CCPG1: variants seen among roughly 807,000 people sequenced by gnomAD.
CCPG1 encodes the protein cell cycle progression protein 1.
Under a neutral mutation model 81.3 loss-of-function variants are expected in CCPG1, and 46 were observed. The ratio of observed to expected loss-of-function variants is 0.57; its 90% confidence interval spans 0.45 to 0.72. The LOEUF (loss-of-function observed/expected upper bound fraction) is 0.72, where lower values mean the gene tolerates loss of function less well. Among genes scored for constraint, CCPG1 ranks in the 30% least tolerant of loss-of-function variants. CCPG1 has a pLI of 0.00. For synonymous variants in CCPG1, 330 were observed against 305.2 expected (o/e 1.08, Z -0.85); for missense variants, 902 against 937.6 (o/e 0.96, Z 0.50).
chr15:55,371,763 G>C, intron 6 of CCPG1, 30 bp downstream of exon 6: 1 of 1,604,338 alleles, frequency 6.2e-7, no homozygotes, highest in Non-Finnish European at 8.5e-7. Context: ...ATCCCATCAG[G>C]TTATGTATAA....
chr15:55,383,352 C>T (rs2056739308), intron 3 of CCPG1, among the ~76,000 whole-genome samples: 1 of 152,158 alleles, frequency 6.6e-6, no homozygotes, highest in African/African-American at 2.4e-5. Flanking sequence ...CTTTGTTGTT[C>T]CATTTACAGA....
intron 3 of CCPG1, among the ~76,000 whole-genome samples, chr15:55,382,936 T>C (rs1214792557): frequency 6.6e-6 from 1 of 152,234 alleles, no homozygotes; most frequent in Non-Finnish European, 1.5e-5. Flanking sequence ...CCTGTTAATG[T>C]TGATATTTTG....
At chr15:55,369,534 CA>C (rs765401273) in intron 6 of CCPG1, among the ~76,000 whole-genome samples, 6,685 of 129,450 alleles carry the variant, frequency 0.052, 153 homozygotes, top group African/African-American at 0.085. Context: ...AACTCTGTCT[CA>C]AAAAAAAAAA....
intron 1 of CCPG1, among the ~76,000 whole-genome samples, chr15:55,402,008 A>G (rs757290017): frequency 6.6e-6 from 1 of 152,094 alleles, no homozygotes; most frequent in Non-Finnish European, 1.5e-5. Context: ...TGATTTCTGT[A>G]TTTAAAGCTG....
In CCPG1 at chr15:55,360,237, C is replaced by T. The variant is rs747005790; in HGVS notation, c.1536G>A (p.Lys512=). 6.2e-7 allele frequency: 1 copy of T among 1,613,882 alleles called. No individual in the cohort carries two copies. The highest frequency in any genetic ancestry group is 1.1e-5 in the South Asian group (1 of 91,042). ...EFVRHHKEKI[K]QAKEAVKENL... ...TTTCCTTCACAGCTTCTTTAGCCTG[C>T]TTAATTTTCTCTTTATGATGCCTTA... is the stretch of plus-strand genomic sequence containing the variant. The change falls in exon 8 of 9, where the codon AAG becomes AAA. Residue 512 remains lysine (K), a synonymous_variant. Coordinates refer to ENST00000442196, the MANE Select transcript of CCPG1 (RefSeq NM_001204450.2).
chr15:55,374,630 C>T (rs1022575365), intron 5 of CCPG1, among the ~76,000 whole-genome samples: 6 of 152,136 alleles, frequency 3.9e-5, no homozygotes, highest in African/African-American at 9.7e-5. Flanking sequence ...AAAACAAAAA[C>T]CATCTTTTTT....
At chr15:55,374,539 G>A (rs1047510010) in intron 5 of CCPG1, among the ~76,000 whole-genome samples, 1 of 152,014 alleles carries the variant, frequency 6.6e-6, no homozygotes, top group Non-Finnish European at 1.5e-5. Flanking sequence ...AATTGAAGTT[G>A]AAATCCTTAA....
At chr15:55,390,627 G>A (rs905632527) in intron 1 of CCPG1, among the ~76,000 whole-genome samples, 2 of 151,940 alleles carry the variant, frequency 1.3e-5, no homozygotes, top group African/African-American at 4.8e-5. Context: ...TTGTTTTTTG[G>A]TATTTTTAGT....
In CCPG1 at chr15:55,362,176, G is replaced by T. The variant is rs185493697; in HGVS notation, c.829-1232C>A. Among the ~76,000 whole-genome samples the T allele has an allele frequency of 6.6e-5, 10 of 152,128 alleles. No individual in the cohort carries two copies. In the East Asian group the frequency reaches 1.9e-3, roughly 29 times the overall value. ...AAACAGTCAAAACTTAAACAATATG[G>T]TTCAACAGGTTCTTAAAGCATTATA... On this transcript the variant is annotated intron_variant, in intron 7 of 8. Transcript: ENST00000442196.
chr15:55,377,045 G>A lies in CCPG1; in HGVS notation c.358C>T (p.Gln120Ter), dbSNP rs1332709204. The A allele has an allele frequency of 1.2e-6, 2 of 1,613,772 alleles. No homozygotes were observed. Among genetic ancestry groups the A allele is most frequent in the Admixed American group, 1.7e-5 (1 of 60,014 alleles). ...GCTTCTTCAACAATGACAACTTCTT[G>A]ATTTCCAATTTCTTCTAACTTAGGT... ...EPPKLEEIGN[Q>*]EVVIVEEAQS... is the part of the protein sequence containing the mutation. Residue 120 changes from glutamine to a stop codon, truncating the protein, a stop_gained, in exon 5 of 9, where the codon CAA becomes TAA. Coordinates refer to ENST00000442196, the MANE Select transcript of CCPG1 (RefSeq NM_001204450.2). LOFTEE classifies it high-confidence loss of function.
chr15:55,359,631 A>G lies in CCPG1; in HGVS notation c.2142T>C (p.Tyr714=). The change falls in exon 8 of 9, where the codon TAT becomes TAC. Residue 714 remains tyrosine, a synonymous_variant. Transcript: ENST00000442196. ...VKDYLRNMKE[Y]EVDNDGVFEK... ...CAAATACTCCATCATTATCTACTTC[A>G]TATTCCTTCATGTTTCTAAGATAAT... is the stretch of plus-strand genomic sequence containing the variant. The G allele has an allele frequency of 6.2e-7, 1 of 1,613,314 alleles. No homozygotes were observed. The highest frequency in any genetic ancestry group is 8.5e-7 in the Non-Finnish European group (1 of 1,179,700).
At chr15:55,372,863 T>C (rs2056482250) in intron 5 of CCPG1, 2 of 496,154 alleles carry the variant, frequency 4.0e-6, no homozygotes, top group African/African-American at 2.0e-5. Context: ...ATCTGGTCTC[T>C]AGTTTCATTT....
chr15:55,399,215 C>T (rs546861062), intron 1 of CCPG1, among the ~76,000 whole-genome samples: 1 of 152,164 alleles, frequency 6.6e-6, no homozygotes, highest in Admixed American at 6.5e-5. Flanking sequence ...GGAAGGCCTC[C>T]TTGAAGTCCT....
chr15:55,359,233 A>G (rs1269408105), intron 8 of CCPG1: 1 of 1,035,824 alleles, frequency 9.7e-7, no homozygotes, highest in African/African-American at 1.7e-5. Flanking sequence ...ATCTTTTCAT[A>G]TAAACTATAA....
intron 7 of CCPG1, among the ~76,000 whole-genome samples, chr15:55,363,367 A>C (rs1237129048): frequency 4.1e-5 from 6 of 147,874 alleles, no homozygotes; most frequent in African/African-American, 1.5e-4. Flanking sequence ...AACAAACAAA[A>C]CAAAAAAAAA....
intron 1 of CCPG1, among the ~76,000 whole-genome samples, chr15:55,396,940 C>G (rs1465394979): frequency 1.3e-5 from 2 of 152,034 alleles, no homozygotes; most frequent in Non-Finnish European, 2.9e-5. Flanking sequence ...CGCGGTGGCT[C>G]ACGCCTGTAA....
chr15:55,358,796 C>A, intron 8 of CCPG1: 1 of 984,004 alleles, frequency 1.0e-6, no homozygotes, highest in African/African-American at 1.7e-5. Context: ...CATTATAGGA[C>A]TAGATACCAG....
Position 55,373,322 on chromosome 15 carries a change from G to A in CCPG1, c.455-1278C>T, listed in dbSNP as rs2056493462. The stretch of plus-strand genomic sequence containing the variant: ...TAAAATATGAACTCGAATACAAAGA[G>A]CTCTAAAACAACAAACATTCATGCT... On this transcript the variant is annotated intron_variant, in intron 5 of 8. Coordinates refer to ENST00000442196, the MANE Select transcript of CCPG1 (RefSeq NM_001204450.2). Among the ~76,000 whole-genome samples, 3 of 152,108 alleles carry A rather than the reference G, an allele frequency of 2.0e-5. No individual in the cohort carries two copies. In the South Asian group the frequency reaches 6.2e-4, roughly 31 times the overall value.
intron 1 of CCPG1, among the ~76,000 whole-genome samples, chr15:55,401,128 AT>A (rs932268857): frequency 6.6e-6 from 1 of 151,652 alleles, no homozygotes; most frequent in Non-Finnish European, 1.5e-5. Context: ...ATGCATTTGG[AT>A]TTTTTTTCTT....
Sources: gnomAD v4.1 joint callset for allele counts (sites outside exome capture counted in the v4.1 genomes callset) on GRCh38, gnomAD v4.1.1 for gene constraint, MANE v1.5 for transcripts, NCBI Gene and HGNC (gene_info 2026-07-23, HGNC 2026-07-21) for gene names.